COG4: variants seen among roughly 807,000 people sequenced by gnomAD.
COG4 encodes component of oligomeric golgi complex 4.
COG4 carries 65 observed loss-of-function variants against 95.1 expected under a neutral mutation model. The ratio of observed to expected loss-of-function variants is 0.68; its 90% CI spans 0.56 to 0.84. The LOEUF is 0.84. Ranked by LOEUF, COG4 falls within the 40% of genes least tolerant of loss-of-function variation. COG4 has a pLI of 0.00. For synonymous variants in COG4, 421 were observed against 374.8 expected, an observed-to-expected ratio of 1.12 and a Z score of -1.42; for missense variants, 1,045 against 989.1, an observed-to-expected ratio of 1.06 and a Z score of -0.76.
chr16:70,515,042 G>A (rs1307642862), intron 3 of COG4, among the ~76,000 whole-genome samples: 2 of 145,992 alleles, frequency 1.4e-5, no homozygotes, highest in African/African-American at 2.7e-5. Context: ...TTGAGACAGA[G>A]TCTCACTCTG....
intron 4 of COG4, 23 bp downstream of exon 4, chr16:70,514,312 A>C (rs770602491): frequency 6.2e-7 from 1 of 1,613,302 alleles, no homozygotes; most frequent in Non-Finnish European, 8.5e-7. Flanking sequence ...CTAAACTAAA[A>C]ACCAACAGTT....
At chr16:70,498,410 C>T (rs371188403) in intron 9 of COG4, among the ~76,000 whole-genome samples, 1 of 151,860 alleles carries the variant, frequency 6.6e-6, no homozygotes, top group Non-Finnish European at 1.5e-5. Flanking sequence ...CTCACCGCAA[C>T]CCCTGCCTCC....
chr16:70,510,269 T>A (rs2049673309), intron 5 of COG4, among the ~76,000 whole-genome samples: 2 of 152,212 alleles, frequency 1.3e-5, no homozygotes, highest in African/African-American at 4.8e-5. Flanking sequence ...GGACTGCCAT[T>A]AGCCAAGGGA....
At chr16:70,499,201 T>TC (rs1383013559) in intron 9 of COG4, among the ~76,000 whole-genome samples, 1 of 152,202 alleles carries the variant, frequency 6.6e-6, no homozygotes, top group Admixed American at 6.5e-5. Flanking sequence ...AATTTTTTTT[T>TC]CTCAGAATCC....
chr16:70,510,101 T>C, intron 5 of COG4, 80 bp from the exon 6 acceptor site: 3 of 1,167,696 alleles, frequency 2.6e-6, no homozygotes, highest in Non-Finnish European at 3.8e-6. Context: ...CCAAAAATCC[T>C]CCCATTGACT....
rs765528169 is a variant in COG4 at position 70,508,391 on chromosome 16, GAGA to G, written c.1061+12_1061+14del. 3 of 1,610,144 alleles carry G rather than the reference GAGA, an allele frequency of 1.9e-6. No homozygotes were observed. Among genetic ancestry groups the G allele is most frequent in the South Asian group, 1.1e-5 (1 of 90,998 alleles). On this transcript the variant is annotated intron_variant, in intron 8 of 18. Coordinates refer to ENST00000323786, the MANE Select transcript of COG4 (RefSeq NM_015386.3). ...TCAAACTCCTGTGGGCTGAAGAAGAGAGAAGGATTATTACCTTGGTTCGATTTT... is the reference window on the plus strand; with the variant it reads ...TCAAACTCCTGTGGGCTGAAGAAGAGAGGATTATTACCTTGGTTCGATTTT...
At chr16:70,498,435 T>G (rs1371730289) in intron 9 of COG4, among the ~76,000 whole-genome samples, 6 of 152,118 alleles carry the variant, frequency 3.9e-5, no homozygotes, top group Non-Finnish European at 8.8e-5. Context: ...TTCAAACAAT[T>G]CTCCTGCCTC....
Position 70,517,709 on chromosome 16 carries a change from T to A in COG4, c.286A>T (p.Lys96Ter). 6.2e-7 allele frequency: 1 copy of A among 1,613,758 alleles called. No homozygotes were observed. The highest frequency in any genetic ancestry group is 1.1e-5 in the South Asian group (1 of 91,082). ...AAGGTGATCATTCCAGCCAGCTGCT[T>A]TGCATCTCCCTCAATCAGCTGCAGA... ...PNLQLIEGDA[K>*]QLAGMITFTC... Residue 96 changes from lysine (K) to a stop codon, truncating the protein, a stop_gained, in exon 3 of 19, where the codon AAG (lysine) becomes TAG (stop). Coordinates refer to ENST00000323786, the MANE Select transcript of COG4 (RefSeq NM_015386.3). LOFTEE classifies it high-confidence loss of function.
In COG4 at chr16:70,498,075, G is replaced by T; in HGVS notation, c.1196-20C>A. ...GGTGCTCTAGGGGACAGCCAAGAAAGGAATACTCATTTTTTTTCCCCAAGG... is the reference window on the plus strand; with the variant it reads ...GGTGCTCTAGGGGACAGCCAAGAAATGAATACTCATTTTTTTTCCCCAAGG... On this transcript the variant is annotated intron_variant, in intron 9 of 18. Coordinates refer to ENST00000323786, the MANE Select transcript of COG4 (RefSeq NM_015386.3). The T allele has an allele frequency of 6.7e-7, 1 of 1,503,214 alleles. No individual in the cohort carries two copies. Among genetic ancestry groups the T allele is most frequent in the African/African-American group, 1.4e-5 (1 of 72,774 alleles). The allele number at this position is 1,503,214 out of a possible 1,614,324, so 93.1% of individuals were successfully genotyped here. A position where few individuals can be genotyped will look rare whatever the true frequency, so the allele number is the denominator to read the frequency against.
intron 3 of COG4, chr16:70,515,775 A>G (rs1166883531): frequency 6.8e-6 from 2 of 292,506 alleles, no homozygotes; most frequent in East Asian, 1.8e-4. Flanking sequence ...CTTGTTCCTC[A>G]TCTTAGGGGG....
intron 13 of COG4, among the ~76,000 whole-genome samples, 198 bp downstream of exon 13, chr16:70,490,132 T>G (rs1191338409): frequency 2.6e-5 from 4 of 152,184 alleles, no homozygotes; most frequent in Non-Finnish European, 5.9e-5. Flanking sequence ...AGATCTAATT[T>G]GAATTCTGAT....
In COG4 at chr16:70,480,992, G is replaced by A. The variant is rs769770565; in HGVS notation, c.*18C>T. 1 of 1,611,240 alleles carries A rather than the reference G, an allele frequency of 6.2e-7. No individual in the cohort carries two copies. Among genetic ancestry groups the A allele is most frequent in the African/African-American group, 1.3e-5 (1 of 74,890 alleles). ...CAGGCCTGCAAGTGTGATGAGCCAGGTGTGCTCATCCAGGCAGCTACAGGC... is the reference window on the plus strand; with the variant it reads ...CAGGCCTGCAAGTGTGATGAGCCAGATGTGCTCATCCAGGCAGCTACAGGC... On this transcript the variant is annotated 3_prime_UTR_variant, in exon 19 of 19. Transcript: ENST00000323786.
At chr16:70,482,246 T>A (rs568307250) in intron 15 of COG4, 71 bp from the exon 16 acceptor site, 29 of 936,680 alleles carry the variant, frequency 3.1e-5, no homozygotes, top group Non-Finnish European at 4.4e-5. Flanking sequence ...CCCACCTCTA[T>A]CCCTCTAAGA....
In COG4 at chr16:70,496,329, G is replaced by C. The variant is rs1567728988; in HGVS notation, c.1584C>G (p.Leu528=). 3 of 1,614,158 alleles carry C rather than the reference G, an allele frequency of 1.9e-6. No homozygotes were observed. Among genetic ancestry groups the C allele is most frequent in the Non-Finnish European group, 2.5e-6 (3 of 1,180,024 alleles). The change falls in exon 12 of 19, where the codon CTC becomes CTG. Residue 528 remains leucine, a synonymous_variant. Coordinates refer to ENST00000323786, the MANE Select transcript of COG4 (RefSeq NM_015386.3). ...TSAVNIMHSS[L]QQGKFDTKGI... ...CTTTTGTGTCAAATTTGCCTTGCTG[G>C]AGGCTGCTGTGCATGATGTTCACGG...
At chr16:70,500,035 A>G (rs1485532761) in intron 9 of COG4, among the ~76,000 whole-genome samples, 3 of 151,700 alleles carry the variant, frequency 2.0e-5, no homozygotes, top group African/African-American at 7.3e-5. Flanking sequence ...GGGTTTCACT[A>G]TGTTGACCAG....
At chr16:70,496,742 T>C (rs1437308096) in intron 11 of COG4, among the ~76,000 whole-genome samples, 1 of 152,050 alleles carries the variant, frequency 6.6e-6, no homozygotes, top group Non-Finnish European at 1.5e-5. Context: ...CATGTAGGAG[T>C]TGAGAACAGG....
At chr16:70,523,315 C>G (rs1300019971) in intron 1 of COG4, 58 bp downstream of exon 1, 1 of 1,601,292 alleles carries the variant, frequency 6.2e-7, no homozygotes, top group Admixed American at 1.7e-5. Context: ...GATTTCCCGA[C>G]TGAAGGCTCC....
intron 5 of COG4, among the ~76,000 whole-genome samples, chr16:70,510,726 T>C (rs2049683512): frequency 6.6e-6 from 1 of 151,778 alleles, no homozygotes; most frequent in African/African-American, 2.4e-5. Context: ...GTCCCAGATG[T>C]CAAAGTATAC....
chr16:70,505,158 A>ATT (rs1382016684), intron 8 of COG4, among the ~76,000 whole-genome samples: 2 of 151,926 alleles, frequency 1.3e-5, no homozygotes, highest in Non-Finnish European at 2.9e-5. Flanking sequence ...GTACTCAGTA[A>ATT]AACTTTGGTT....
Sources: gnomAD v4.1 joint callset for allele counts (sites outside exome capture counted in the v4.1 genomes callset) on GRCh38, gnomAD v4.1.1 for gene constraint, MANE v1.5 for transcripts, NCBI Gene and HGNC (gene_info 2026-07-23, HGNC 2026-07-21) for gene names.